The following CNOT1 variants were observed in gnomAD, a reference collection of about 807,000 sequenced individuals.
CNOT1 encodes CCR4-NOT transcription complex subunit 1.
A neutral mutation model predicts 273.8 loss-of-function variants in CNOT1; 15 were observed. The observed-to-expected ratio is 0.05, with a 90% CI of 0.04 to 0.08. The LOEUF (loss-of-function observed/expected upper bound fraction) is 0.08. Among genes scored for constraint, CNOT1 ranks in the 10% least tolerant of loss-of-function variants. The probability of loss-of-function intolerance (pLI) is 1.00; values close to 1 mark genes in which losing one functional copy is unlikely to be tolerated. For synonymous variants in CNOT1, 1,022 were observed against 1,005.5 expected (o/e 1.02, Z -0.31); for missense variants, 1,644 against 2,912.2 (o/e 0.56, Z 10.02).
chr16:58,533,320 T>C (rs1233114687), intron 40 of CNOT1, among the ~76,000 whole-genome samples: 1 of 151,728 alleles, frequency 6.6e-6, no homozygotes, highest in East Asian at 1.9e-4. Flanking sequence ...GGCGGGTCAC[T>C]TGAGGGACCC....
chr16:58,537,841 T>C lies in CNOT1; in HGVS notation c.5414+50A>G, dbSNP rs1039414519. On this transcript the variant is annotated intron_variant, in intron 38 of 48. Transcript: ENST00000317147. Reference sequence around the variant, plus strand: ...AAGTCTGCATATTCATTCCTAAAGATATTAGAAGACTACTAAATGCACAGG... The same window carrying C: ...AAGTCTGCATATTCATTCCTAAAGACATTAGAAGACTACTAAATGCACAGG... The C allele has an allele frequency of 6.9e-6, 11 of 1,604,800 alleles. No individual in the cohort carries two copies. In the African/African-American group the frequency reaches 1.2e-4, roughly 18 times the overall value.
At chr16:58,524,454 C>T (rs1363201291) in intron 46 of CNOT1, among the ~76,000 whole-genome samples, 2 of 151,914 alleles carry the variant, frequency 1.3e-5, no homozygotes, top group East Asian at 3.9e-4. Flanking sequence ...AGGCTGCCGT[C>T]CTTTTATTGC....
Position 58,595,397 on chromosome 16 carries a change from T to G in CNOT1, c.102+3839A>C, listed in dbSNP as rs1344403917. 2.3e-5 allele frequency among the ~76,000 whole-genome samples: 3 copies of G among 130,134 alleles called. No individual in the cohort carries two copies. In the Admixed American group the frequency reaches 2.6e-4, roughly 11 times the overall value. 85.4% of individuals were successfully genotyped at this position (130,134 alleles called of 152,430 possible). The stretch of plus-strand genomic sequence containing the variant: ...TGAATTTCCATAATGCCTAACTCTA[T>G]GATCAAAACTATTTTTCCATCTCAA... On this transcript the variant is annotated intron_variant, in intron 2 of 48. Coordinates refer to ENST00000317147, the MANE Select transcript of CNOT1 (RefSeq NM_016284.5).
intron 12 of CNOT1, among the ~76,000 whole-genome samples, chr16:58,579,506 G>A (rs755686893): frequency 1.3e-5 from 2 of 151,956 alleles, no homozygotes; most frequent in Non-Finnish European, 2.9e-5. Flanking sequence ...ATAAAATGAA[G>A]AAGAAACACT....
At position 58,624,969 on chromosome 16, in the gene CNOT1, C is replaced by CCAGTATGG. The variant is rs140667791; in HGVS notation, c.-175+4751_-175+4758dup. Among the ~76,000 whole-genome samples the CCAGTATGG allele has an allele frequency of 3.6e-4, 54 of 151,848 alleles. No homozygotes were observed. The East Asian group carries it at 9.1e-3, about 26-fold the overall frequency. ...ACTTAAAAAAAAAAAGTATCATAGG[C>CCAGTATGG]CAGTATGGTGGCTCACATCTGTAAT... is the stretch of plus-strand genomic sequence containing the variant. On this transcript the variant is annotated intron_variant, in intron 1 of 48. Coordinates refer to ENST00000317147, the MANE Select transcript of CNOT1 (RefSeq NM_016284.5).
intron 44 of CNOT1, among the ~76,000 whole-genome samples, chr16:58,527,320 G>A (rs1485002779): frequency 6.6e-6 from 1 of 151,638 alleles, no homozygotes; most frequent in East Asian, 1.9e-4. Context: ...TCAGGAGTTT[G>A]AGACCAGCCT....
chr16:58,558,083 G>A (rs8047769), intron 18 of CNOT1, among the ~76,000 whole-genome samples: 114,608 of 152,078 alleles, frequency 0.75, 43,599 homozygotes, highest in Middle Eastern at 0.86. Context: ...CAATAAGGCA[G>A]GCAGAACATA....
intron 13 of CNOT1, 49 bp downstream of exon 13, chr16:58,578,650 A>G (rs748137641): frequency 2.5e-6 from 4 of 1,599,674 alleles, no homozygotes; most frequent in Non-Finnish European, 3.4e-6. Context: ...ACTCCAAAGA[A>G]GATCAATTAT....
intron 42 of CNOT1, 105 bp from the exon 43 acceptor site, chr16:58,530,452 A>G: frequency 1.4e-6 from 1 of 719,806 alleles, no homozygotes; most frequent in Non-Finnish European, 2.3e-6. Flanking sequence ...ATGCTAATAT[A>G]AGTAGAGAAT....
intron 14 of CNOT1, 138 bp from the exon 15 acceptor site, chr16:58,575,267 G>T: frequency 1.6e-6 from 2 of 1,271,090 alleles, no homozygotes; most frequent in Non-Finnish European, 1.1e-6. Flanking sequence ...AATTTAAACA[G>T]CTAAGCACAA....
At chr16:58,604,269 A>C (rs886449023) in intron 1 of CNOT1, among the ~76,000 whole-genome samples, 3 of 152,222 alleles carry the variant, frequency 2.0e-5, no homozygotes, top group African/African-American at 7.2e-5. Flanking sequence ...ACAAAGCTAT[A>C]GTCACTTTCC....
chr16:58,551,757 G>T lies in CNOT1; in HGVS notation c.3033C>A (p.Thr1011=). 5 of 1,614,172 alleles carry T rather than the reference G, an allele frequency of 3.1e-6. No homozygotes were observed. In the South Asian group the frequency reaches 5.5e-5, roughly 18 times the overall value. Residue 1011 remains threonine (T), a synonymous_variant, in exon 23 of 49, where the codon ACC becomes ACA. Transcript: ENST00000317147. Reference sequence around the variant, plus strand: ...CCTGAGCCAGTGCAATACTTCCAGGGGTTGTGATAGAGCCTTGCATTTTCA... The same window carrying T: ...CCTGAGCCAGTGCAATACTTCCAGGTGTTGTGATAGAGCCTTGCATTTTCA... ...PPVKMQGSIT[T]PGSIALAQAQ... is the part of the protein sequence containing the mutation.
At chr16:58,527,243 G>C (rs534760325) in intron 44 of CNOT1, among the ~76,000 whole-genome samples, 1 of 152,078 alleles carries the variant, frequency 6.6e-6, no homozygotes, top group Non-Finnish European at 1.5e-5. Context: ...AACAATAAAG[G>C]CCGGGTGCAG....
rs758016046 is a variant in CNOT1, at chr16:58,534,192, T to C, written c.5850A>G (p.Ser1950=). 6.2e-7 allele frequency: 1 copy of C among 1,614,242 alleles called. No homozygotes were observed. The highest frequency in any genetic ancestry group is 8.5e-7 in the Non-Finnish European group (1 of 1,180,048). ...TTGTGACAGTGTTGGTGGCCTCCCC[T>C]GAGTGTTTCACGAGCAGTGCAATGA... ...VRLIALLVKH[S]GEATNTVTKI... The change falls in exon 40 of 49, where the codon TCA becomes TCG. Residue 1950 remains serine (S), a synonymous_variant. Transcript: ENST00000317147.
At chr16:58,559,948 C>T (rs183776260) in intron 17 of CNOT1, 40 of 943,602 alleles carry the variant, frequency 4.2e-5, no homozygotes, top group Middle Eastern at 4.6e-4. Flanking sequence ...CAAGAGTCTA[C>T]GTAATTCATA....
At chr16:58,622,806 C>T (rs1236091929) in intron 1 of CNOT1, among the ~76,000 whole-genome samples, 4 of 146,842 alleles carry the variant, frequency 2.7e-5, no homozygotes, top group Non-Finnish European at 6.0e-5. Context: ...GAGATCGCAC[C>T]ACTGCACTCT....
chr16:58,541,615 A>G lies in CNOT1; in HGVS notation c.4686T>C (p.Gly1562=), dbSNP rs756966622. The G allele has an allele frequency of 8.8e-5, 141 of 1,611,366 alleles. No homozygotes were observed. Among genetic ancestry groups the G allele is most frequent in the Non-Finnish European group, 1.2e-4 (138 of 1,179,222 alleles). The change falls in exon 34 of 49, where the codon GGT becomes GGC. Residue 1562 remains glycine, a synonymous_variant. Transcript: ENST00000317147. ...RMPEQIRLKV[G]GVDPKQLAVY... is the part of the protein sequence containing the mutation. ...CAGCCAACTGCTTTGGGTCCACACC[A>G]CCAACCTTGAAAGAAGAAAACCTAT...
intron 38 of CNOT1, 48 bp downstream of exon 38, chr16:58,537,843 T>C (rs2039971169): frequency 6.2e-7 from 1 of 1,606,522 alleles, no homozygotes; most frequent in Non-Finnish European, 8.5e-7. Flanking sequence ...CCTAAAGATA[T>C]TAGAAGACTA....
At chr16:58,611,166 T>C (rs8043726) in intron 1 of CNOT1, among the ~76,000 whole-genome samples, 114,378 of 152,076 alleles carry the variant, frequency 0.75, 43,450 homozygotes, top group Middle Eastern at 0.86. Context: ...CGGTGGCTCA[T>C]GCCTGTAATC....
Sources: allele counts gnomAD v4.1 joint callset (sites outside exome capture counted in the v4.1 genomes callset), GRCh38; gene constraint gnomAD v4.1.1; transcripts MANE v1.5; gene names NCBI Gene and HGNC (gene_info 2026-07-23, HGNC 2026-07-21).